The following UBA3 variants were observed in gnomAD, a reference collection of about 807,000 sequenced individuals.
UBA3 encodes the protein ubiquitin like modifier activating enzyme 3.
A neutral mutation model predicts 73.5 loss-of-function variants in UBA3; 26 were observed. That is an observed-to-expected ratio of 0.35 (90% CI 0.26 to 0.49). The LOEUF (loss-of-function observed/expected upper bound fraction) is 0.49, where lower values mean the gene tolerates loss of function less well. Among genes scored for constraint, UBA3 ranks in the 20% least tolerant of loss-of-function variants. The pLI, the probability that UBA3 is intolerant of heterozygous loss-of-function variation, is 0.98. For missense variants in UBA3, 495 were observed against 555.6 expected (o/e 0.89, Z 1.10); for synonymous variants, 217 against 191.2 (o/e 1.13, Z -1.11).
chr3:69,064,941 C>A (rs1360728717), intron 6 of UBA3, among the ~76,000 whole-genome samples: 1 of 152,064 alleles, frequency 6.6e-6, no homozygotes, highest in Non-Finnish European at 1.5e-5. Context: ...AAAAAAGGGA[C>A]AATACATGCT....
intron 11 of UBA3, among the ~76,000 whole-genome samples, chr3:69,060,690 C>G (rs1322836137): frequency 6.6e-6 from 1 of 152,190 alleles, no homozygotes; most frequent in East Asian, 1.9e-4. Flanking sequence ...AAATCTCATA[C>G]TGAAATGTGA....
rs2091970284 is a variant in UBA3 at position 69,056,059 on chromosome 3, T to C, written c.1189A>G (p.Met397Val). The C allele has an allele frequency of 6.2e-7, 1 of 1,603,244 alleles. No homozygotes were observed. The highest frequency in any genetic ancestry group is 8.5e-7 in the Non-Finnish European group (1 of 1,176,984). The change falls in exon 16 of 18, where the codon ATG becomes GTG. Residue 397 changes from methionine to valine, a missense_variant. Coordinates refer to ENST00000361055, the MANE Select transcript of UBA3 (RefSeq NM_003968.4). The stretch of plus-strand genomic sequence containing the variant: ...GTGGCTGTGATGGCTGGAGATTTCA[T>C]TTGCCTAAAGATTATGATGAGAGAG... ...DYLTNSASLQ[M>V]KSPAITATLE...
Position 69,077,783 on chromosome 3 carries a change from AT to A in UBA3, c.183+14del. ...AAACTATTAGAGCAGTTATTTAAAA[AT>A]AAACGTTTCTCACTTCAGTGCTCGG... is the stretch of plus-strand genomic sequence containing the variant. On this transcript the variant is annotated intron_variant, in intron 3 of 17. Transcript: ENST00000361055. 6.2e-7 allele frequency: 1 copy of A among 1,605,936 alleles called. No homozygotes were observed. Among genetic ancestry groups the A allele is most frequent in the Non-Finnish European group, 8.5e-7 (1 of 1,176,314 alleles).
chr3:69,065,889 A>C (rs2092066585), intron 6 of UBA3, among the ~76,000 whole-genome samples: 1 of 151,442 alleles, frequency 6.6e-6, no homozygotes, highest in Non-Finnish European at 1.5e-5. Context: ...ACATCTTTTC[A>C]TGTGCTTTTC....
chr3:69,079,752 T>G (rs946767737), intron 2 of UBA3: 11 of 286,862 alleles, frequency 3.8e-5, no homozygotes, highest in Non-Finnish European at 6.4e-5. Flanking sequence ...CTTGTGTCCT[T>G]TTCCTGTGTG....
At position 69,062,108 on chromosome 3, in the gene UBA3, C is replaced by A. The variant is rs377621876; in HGVS notation, c.765G>T (p.Met255Ile). The change falls in exon 10 of 18, where the codon ATG becomes ATT. Residue 255 changes from methionine to isoleucine, a missense_variant. Met to Ile is a conservative substitution (Grantham distance 10, BLOSUM62 1). Coordinates refer to ENST00000361055, the MANE Select transcript of UBA3 (RefSeq NM_003968.4). The stretch of plus-strand genomic sequence containing the variant: ...AAGGCTGCTCCTTAGGCCACTGCAA[C>A]ATCCTTACATACTCAATACAGTGTT... ...LPEHCIEYVR[M>I]LQWPKEQPFG... is the part of the protein sequence containing the mutation. 1.3e-4 allele frequency: 205 copies of A among 1,613,054 alleles called. No homozygotes were observed. Among genetic ancestry groups the A allele is most frequent in the Non-Finnish European group, 1.7e-4 (199 of 1,179,396 alleles).
chr3:69,075,889 A>T (rs1013591038), intron 3 of UBA3, among the ~76,000 whole-genome samples: 3 of 151,794 alleles, frequency 2.0e-5, no homozygotes, highest in African/African-American at 7.3e-5. Flanking sequence ...GCACTACCAC[A>T]CCTGGCTAAT....
chr3:69,072,160 A>C (rs1418408610), intron 4 of UBA3, among the ~76,000 whole-genome samples: 3 of 152,220 alleles, frequency 2.0e-5, no homozygotes, highest in Non-Finnish European at 4.4e-5. Flanking sequence ...AAAGCAGGGA[A>C]AGGCAAAAAA....
At chr3:69,071,507 A>G in intron 5 of UBA3, 28 bp downstream of exon 5, 1 of 1,298,416 alleles carries the variant, frequency 7.7e-7, no homozygotes, top group Non-Finnish European at 1.1e-6. Context: ...GCTTAAAAAA[A>G]GAAAACCGCT....
intron 8 of UBA3, 106 bp from the exon 9 acceptor site, chr3:69,063,243 A>G: frequency 1.4e-6 from 2 of 1,405,684 alleles, no homozygotes; most frequent in East Asian, 2.4e-5. Context: ...TTGAATACCA[A>G]TGTATCAAAT....
intron 9 of UBA3, among the ~76,000 whole-genome samples, chr3:69,062,380 T>C (rs1273229706): frequency 6.6e-6 from 1 of 152,178 alleles, no homozygotes; most frequent in East Asian, 1.9e-4. Context: ...AAAGACAGGT[T>C]TGCCCTACAT....
At chr3:69,056,502 A>T (rs1231729996) in intron 14 of UBA3, 110 bp downstream of exon 14, 2 of 965,042 alleles carry the variant, frequency 2.1e-6, no homozygotes, top group Non-Finnish European at 3.1e-6. Flanking sequence ...TATAATAAGT[A>T]GAGTTCTGGA....
At chr3:69,060,104 G>A (rs2092009618) in intron 11 of UBA3, among the ~76,000 whole-genome samples, 1 of 152,162 alleles carries the variant, frequency 6.6e-6, no homozygotes, top group Non-Finnish European at 1.5e-5. Context: ...TCTGTTCTCA[G>A]AGAGTTCAGT....
At chr3:69,059,741 GA>G (rs2092006716) in intron 11 of UBA3, among the ~76,000 whole-genome samples, 1 of 152,044 alleles carries the variant, frequency 6.6e-6, no homozygotes, top group South Asian at 2.1e-4. Flanking sequence ...TCACAGGAGA[GA>G]AATGGCAGAT....
intron 6 of UBA3, among the ~76,000 whole-genome samples, chr3:69,064,713 G>T (rs918329931): frequency 1.3e-5 from 2 of 152,134 alleles, no homozygotes; most frequent in Non-Finnish European, 2.9e-5. Context: ...CATCCCTGGA[G>T]GCTAAAAAGG....
At chr3:69,075,651 T>C (rs917413393) in intron 3 of UBA3, 141 bp from the exon 4 acceptor site, 1 of 345,396 alleles carries the variant, frequency 2.9e-6, no homozygotes, top group Non-Finnish European at 5.4e-6. Flanking sequence ...ATTTGCTCAA[T>C]TATTTGAAAT....
chr3:69,066,950 A>T (rs1451183583), intron 6 of UBA3, among the ~76,000 whole-genome samples: 1 of 152,170 alleles, frequency 6.6e-6, no homozygotes, highest in Non-Finnish European at 1.5e-5. Context: ...CTAGTCATCT[A>T]TATATCCCTC....
chr3:69,059,966 T>C (rs2092008488), intron 11 of UBA3, among the ~76,000 whole-genome samples: 1 of 152,134 alleles, frequency 6.6e-6, no homozygotes. Flanking sequence ...TAGGCTTCAG[T>C]AGAGGATCTG....
rs747786113 is a variant in UBA3 at position 69,079,911 on chromosome 3, C to A, written c.62+201G>T. 19 of 546,108 alleles carry A rather than the reference C, an allele frequency of 3.5e-5. 1 individual carries two copies. The South Asian group carries it at 4.4e-4, about 13-fold the overall frequency. The allele number at this position is 546,108 out of a possible 1,614,324, so 33.8% of individuals were successfully genotyped here. A position where few individuals can be genotyped will look rare whatever the true frequency, so the allele number is the denominator to read the frequency against. On this transcript the variant is annotated intron_variant, in intron 2 of 17. Transcript: ENST00000361055. ...CTGGGGCAGTACAGCCTGGCCCCGA[C>A]GCCCGCACCGGGCAGATACCGGGAG...
Sources: gnomAD v4.1 joint callset for allele counts (sites outside exome capture counted in the v4.1 genomes callset) on GRCh38, gnomAD v4.1.1 for gene constraint, MANE v1.5 for transcripts, NCBI Gene and HGNC (gene_info 2026-07-23, HGNC 2026-07-21) for gene names.